The following LRBA variants were observed in gnomAD, a reference collection of about 807,000 sequenced individuals.
LRBA encodes LPS responsive beige-like anchor protein, also known as lipopolysaccharide-responsive and beige-like anchor protein.
Under a neutral mutation model 330.0 loss-of-function variants are expected in LRBA, and 176 were observed. The ratio of observed to expected loss-of-function variants is 0.53; its 90% CI spans 0.47 to 0.60. The LOEUF (loss-of-function observed/expected upper bound fraction) is 0.60. Ranked by LOEUF, LRBA falls within the 20% of genes least tolerant of loss-of-function variation. LRBA has a pLI of 0.00. For synonymous variants in LRBA, 1,230 were observed against 1,193.0 expected, an observed-to-expected ratio of 1.03 and a Z score of -0.64; for missense variants, 3,259 against 3,444.8, an observed-to-expected ratio of 0.95 and a Z score of 1.35.
At chr4:150,297,233 T>C (rs1729090693) in intron 53 of LRBA, among the ~76,000 whole-genome samples, 1 of 152,182 alleles carries the variant, frequency 6.6e-6, no homozygotes, top group African/African-American at 2.4e-5. Context: ...TATATTGGCA[T>C]ATCACCCCAC....
At chr4:150,525,979 T>C (rs1460530701) in intron 40 of LRBA, among the ~76,000 whole-genome samples, 1 of 152,100 alleles carries the variant, frequency 6.6e-6, no homozygotes, top group Non-Finnish European at 1.5e-5. Flanking sequence ...CAGGGTGTAA[T>C]TACCTTGGTA....
chr4:150,893,290 T>C, intron 16 of LRBA, 141 bp from the exon 17 acceptor site: 1 of 571,892 alleles, frequency 1.7e-6, no homozygotes, highest in Non-Finnish European at 3.2e-6. Context: ...TAACAAATTA[T>C]GTTCTTTAAA....
chr4:150,512,717 G>GAA (rs370203536), intron 40 of LRBA, among the ~76,000 whole-genome samples: 129 of 100,470 alleles, frequency 1.3e-3, no homozygotes, highest in South Asian at 3.2e-3. Context: ...TGCTTTTTGA[G>GAA]AAAAAAAAAA....
chr4:150,489,197 AAG>A (rs1561249874), intron 41 of LRBA, among the ~76,000 whole-genome samples: 6 of 95,854 alleles, frequency 6.3e-5, no homozygotes, highest in African/African-American at 2.4e-4. Context: ...TATTATATAT[AAG>A]TATATATTAT....
intron 35 of LRBA, among the ~76,000 whole-genome samples, chr4:150,749,486 T>C (rs887291944): frequency 6.6e-6 from 1 of 152,156 alleles, no homozygotes; most frequent in Admixed American, 6.5e-5. Context: ...ACAACCCCAG[T>C]GACTCATGCC....
At chr4:150,517,341 G>A (rs6854612) in intron 40 of LRBA, among the ~76,000 whole-genome samples, 21,268 of 152,010 alleles carry the variant, frequency 0.14, 1,562 homozygotes, top group Middle Eastern at 0.18. Flanking sequence ...AGGCAACACA[G>A]GGACTCTGTC....
intron 40 of LRBA, among the ~76,000 whole-genome samples, chr4:150,493,808 T>C (rs1448576141): frequency 2.6e-5 from 4 of 152,110 alleles, no homozygotes; most frequent in East Asian, 1.9e-4. Flanking sequence ...AATGTATCCA[T>C]AAGAAAAACA....
At chr4:150,639,822 T>C (rs1778450676) in intron 37 of LRBA, among the ~76,000 whole-genome samples, 3 of 4,100 alleles carry the variant, frequency 7.3e-4, no homozygotes, top group Non-Finnish European at 1.8e-3. Context: ...TGTGTGTGTA[T>C]ATATATATAT....
intron 40 of LRBA, among the ~76,000 whole-genome samples, chr4:150,553,036 TCCAGCCTG>T (rs1766815869): frequency 6.7e-6 from 1 of 149,574 alleles, no homozygotes; most frequent in Non-Finnish European, 1.5e-5. Flanking sequence ...GCCACTGCAC[TCCAGCCTG>T]GGCGACAGAG....
intron 44 of LRBA, among the ~76,000 whole-genome samples, chr4:150,447,929 T>C (rs1215110539): frequency 6.6e-6 from 1 of 152,198 alleles, no homozygotes; most frequent in Non-Finnish European, 1.5e-5. Flanking sequence ...AAGCTCATTT[T>C]AAAAAGTGAT....
chr4:150,748,631 C>T (rs953146742), intron 35 of LRBA, among the ~76,000 whole-genome samples: 1 of 150,484 alleles, frequency 6.6e-6, no homozygotes, highest in Non-Finnish European at 1.5e-5. Context: ...CACACCATTG[C>T]ACTCCAGCCT....
intron 47 of LRBA, among the ~76,000 whole-genome samples, chr4:150,406,207 C>T (rs549819984): frequency 6.6e-6 from 1 of 151,776 alleles, no homozygotes; most frequent in African/African-American, 2.4e-5. Flanking sequence ...AACAAAAAGA[C>T]CCAAGACTAA....
intron 36 of LRBA, among the ~76,000 whole-genome samples, chr4:150,723,347 G>T (rs1451759106): frequency 6.6e-6 from 1 of 152,186 alleles, no homozygotes; most frequent in Non-Finnish European, 1.5e-5. Context: ...ACTTTGACTT[G>T]CATTTTGGAT....
chr4:150,484,936 T>C (rs1001202942), intron 42 of LRBA, among the ~76,000 whole-genome samples: 2 of 151,908 alleles, frequency 1.3e-5, no homozygotes, highest in African/African-American at 4.8e-5. Context: ...AATTTCCAAA[T>C]CTCAAGAGAT....
intron 30 of LRBA, among the ~76,000 whole-genome samples, chr4:150,822,629 T>C (rs1418929317): frequency 6.6e-6 from 1 of 151,932 alleles, no homozygotes; most frequent in Non-Finnish European, 1.5e-5. Flanking sequence ...TAGCTGGACA[T>C]GTTGGTCCCA....
chr4:150,612,701 CTGG>C (rs1653634953), intron 37 of LRBA, among the ~76,000 whole-genome samples: 1 of 152,148 alleles, frequency 6.6e-6, no homozygotes, highest in South Asian at 2.1e-4. Flanking sequence ...GTGGAAAGAA[CTGG>C]TTGAGGTGCC....
chr4:150,574,622 TATTCTGGATA>T (rs1233072610), intron 40 of LRBA, among the ~76,000 whole-genome samples: 1 of 152,058 alleles, frequency 6.6e-6, no homozygotes, highest in African/African-American at 2.4e-5. Flanking sequence ...TCTATCCAGG[TATTCTGGATA>T]GCAACCACCT....
intron 40 of LRBA, chr4:150,579,141 T>C (rs1770893941): frequency 1.1e-5 from 5 of 438,554 alleles, no homozygotes; most frequent in Non-Finnish European, 1.8e-5. Context: ...TAATAGAATA[T>C]AGTATCTCCT....
At chr4:150,384,015 G>GT (rs910866725) in intron 47 of LRBA, among the ~76,000 whole-genome samples, 20 of 151,728 alleles carry the variant, frequency 1.3e-4, no homozygotes, top group African/African-American at 4.1e-4. Context: ...TTAAGGAACA[G>GT]TTTTTTTATT....
Sources: allele counts gnomAD v4.1 joint callset (sites outside exome capture counted in the v4.1 genomes callset), GRCh38; gene constraint gnomAD v4.1.1; transcripts MANE v1.5; gene names NCBI Gene and HGNC (gene_info 2026-07-23, HGNC 2026-07-21).